VTCN1: variants seen among roughly 807,000 people sequenced by gnomAD.
VTCN1 encodes the protein V-set domain-containing T-cell activation inhibitor 1.
Under a neutral mutation model 26.5 loss-of-function variants are expected in VTCN1, and 26 were observed. That is an observed-to-expected ratio of 0.98 (90% CI 0.72 to 1.36). The LOEUF (loss-of-function observed/expected upper bound fraction) is 1.36. Among genes scored for constraint, VTCN1 ranks in the 40% most tolerant of loss-of-function variants. VTCN1 has a pLI of 0.00. For synonymous variants in VTCN1, 116 were observed against 130.7 expected (o/e 0.89, Z 0.77); for missense variants, 298 against 337.7 (o/e 0.88, Z 0.92).
At position 117,153,379 on chromosome 1, in the gene VTCN1, C is replaced by A. The variant is rs1191742150; in HGVS notation, c.446-10G>T. On this transcript the variant is annotated splice_polypyrimidine_tract_variant and intron_variant, in intron 3 of 5. Transcript: ENST00000369458. ...TCCGGCATGCTGAAGGCTGCAGGGTCAAAAGTCAGAAAGGGCAGATGCCAA... is the reference window on the plus strand; with the variant it reads ...TCCGGCATGCTGAAGGCTGCAGGGTAAAAAGTCAGAAAGGGCAGATGCCAA... 6.3e-7 allele frequency: 1 copy of A among 1,592,258 alleles called. No homozygotes were observed. The highest frequency in any genetic ancestry group is 1.1e-5 in the South Asian group (1 of 89,294).
chr1:117,148,381 T>C (rs991279186), intron 4 of VTCN1, among the ~76,000 whole-genome samples: 1 of 152,208 alleles, frequency 6.6e-6, no homozygotes, highest in Non-Finnish European at 1.5e-5. Context: ...AGAATACTAA[T>C]AACCTACTTC....
At chr1:117,180,959 G>A (rs1441836783) in intron 1 of VTCN1, among the ~76,000 whole-genome samples, 1 of 152,184 alleles carries the variant, frequency 6.6e-6, no homozygotes, top group Admixed American at 6.5e-5. Flanking sequence ...CCTAATGGGG[G>A]CTCCACAGGA....
At chr1:117,152,553 A>G (rs1347006543) in intron 4 of VTCN1, among the ~76,000 whole-genome samples, 1 of 152,160 alleles carries the variant, frequency 6.6e-6, no homozygotes, top group Non-Finnish European at 1.5e-5. Context: ...GACCAGTTCC[A>G]TCTAGGGGTT....
chr1:117,169,466 G>T lies in VTCN1; in HGVS notation c.97+641C>A, dbSNP rs1482516440. The stretch of plus-strand genomic sequence containing the variant: ...ACCCAGGCCAACCGCTGACAGAATG[G>T]CTCAGAGGCAGCACTTCACCTATGA... On this transcript the variant is annotated intron_variant, in intron 2 of 5. Transcript: ENST00000369458. This position sits in a 1 kb window ranked among gnomAD's most constrained non-coding sequence, Gnocchi z 4.0. Among the ~76,000 whole-genome samples, 2 of 152,188 alleles carry T rather than the reference G, an allele frequency of 1.3e-5. No individual in the cohort carries two copies.
chr1:117,148,029 G>C (rs1158247909), intron 4 of VTCN1, among the ~76,000 whole-genome samples: 2 of 152,162 alleles, frequency 1.3e-5, no homozygotes, highest in East Asian at 3.9e-4. Context: ...ATACCAATAA[G>C]AGATTGTTAT....
At chr1:117,193,414 C>T (rs1012265894) in intron 1 of VTCN1, among the ~76,000 whole-genome samples, 4 of 152,092 alleles carry the variant, frequency 2.6e-5, no homozygotes, top group Non-Finnish European at 5.9e-5. Context: ...AGATATTCCA[C>T]GCAAATGGTA....
intron 2 of VTCN1, among the ~76,000 whole-genome samples, chr1:117,158,932 T>C (rs1296970822): frequency 2.0e-5 from 3 of 152,188 alleles, no homozygotes. Context: ...TGTTAAAACA[T>C]AACAAGAGTC....
intron 2 of VTCN1, among the ~76,000 whole-genome samples, chr1:117,158,421 T>C (rs998092461): frequency 6.6e-6 from 1 of 152,214 alleles, no homozygotes; most frequent in Non-Finnish European, 1.5e-5. Context: ...CTGCCGAGAC[T>C]TGGGGTTTGC....
chr1:117,152,124 T>C (rs1168945062), intron 4 of VTCN1, among the ~76,000 whole-genome samples: 2 of 152,214 alleles, frequency 1.3e-5, no homozygotes, highest in African/African-American at 4.8e-5. Context: ...CTTAAAATGA[T>C]TTACAAATAT....
intron 1 of VTCN1, among the ~76,000 whole-genome samples, chr1:117,206,593 A>T (rs1165371052): frequency 1.3e-5 from 2 of 152,178 alleles, no homozygotes; most frequent in Non-Finnish European, 2.9e-5. Context: ...TCCCTACAAC[A>T]AGGTGCATGA....
At chr1:117,153,068 T>C in intron 4 of VTCN1, 23 bp downstream of exon 4, 2 of 1,595,294 alleles carry the variant, frequency 1.3e-6, no homozygotes, top group South Asian at 1.1e-5. Context: ...AGTAAATCCA[T>C]ACAAAAGCAT....
At chr1:117,185,397 A>G (rs1647884584) in intron 1 of VTCN1, among the ~76,000 whole-genome samples, 1 of 152,224 alleles carries the variant, frequency 6.6e-6, no homozygotes, top group Admixed American at 6.5e-5. Flanking sequence ...CATCAGAATC[A>G]AAATATACCT....
rs932353484 is a variant in VTCN1, at chr1:117,153,460, CA to C, written c.446-92del. 74 of 981,510 alleles carry C rather than the reference CA, an allele frequency of 7.5e-5. No homozygotes were observed. In the Middle Eastern group the frequency reaches 1.2e-3, roughly 16 times the overall value. 60.8% of individuals were successfully genotyped at this position (981,510 alleles called of 1,614,324 possible). ...AAGCGCTAGGCCTTAAAAATGCAGT[CA>C]TTTTTTTTTTTTTTTTTTTATCATT... is the stretch of plus-strand genomic sequence containing the variant. On this transcript the variant is annotated intron_variant, in intron 3 of 5. Transcript: ENST00000369458.
At chr1:117,171,284 T>C (rs576605495) in intron 1 of VTCN1, among the ~76,000 whole-genome samples, 3 of 152,242 alleles carry the variant, frequency 2.0e-5, no homozygotes, top group Non-Finnish European at 4.4e-5. Context: ...TCCAAGTCTT[T>C]GGTATTGTAA....
chr1:117,175,403 C>T lies in VTCN1; in HGVS notation c.33-5232G>A, dbSNP rs1298325808. Among the ~76,000 whole-genome samples, 2 of 152,176 alleles carry T rather than the reference C, an allele frequency of 1.3e-5. No individual in the cohort carries two copies. Among genetic ancestry groups the T allele is most frequent in the Non-Finnish European group, 2.9e-5 (2 of 68,034 alleles). On this transcript the variant is annotated intron_variant, in intron 1 of 5. Coordinates refer to ENST00000369458, the MANE Select transcript of VTCN1 (RefSeq NM_024626.4). The surrounding 1 kb of genome is among the most constrained non-coding windows in gnomAD (Gnocchi z 4.2). ...GCTGGGTGCTGTGAGCCGGCGTGGT[C>T]GCTGTGAAGCGGATGTGCAGCCTAG...
chr1:117,188,747 T>C (rs535162446), intron 1 of VTCN1, among the ~76,000 whole-genome samples: 6 of 152,214 alleles, frequency 3.9e-5, no homozygotes, highest in African/African-American at 1.4e-4. Context: ...GCCCATTTTT[T>C]CCCCCAAGAT....
In VTCN1 at chr1:117,183,232, T is replaced by C. The variant is rs1647761649; in HGVS notation, c.33-13061A>G. Among the ~76,000 whole-genome samples the C allele has an allele frequency of 6.6e-6, 1 of 152,328 alleles. No individual in the cohort carries two copies. Among genetic ancestry groups the C allele is most frequent in the African/African-American group, 2.4e-5 (1 of 41,572 alleles). ...CCAGGCTGCTTCTTGCCTCCATGCC[T>C]TCGTTCCTATTATTTTTCAAGTTCT... On this transcript the variant is annotated intron_variant, in intron 1 of 5. Transcript: ENST00000369458. This position sits in a 1 kb window ranked among gnomAD's most constrained non-coding sequence, Gnocchi z 4.1.
intron 1 of VTCN1, among the ~76,000 whole-genome samples, chr1:117,194,001 TA>T (rs1349192484): frequency 3.3e-5 from 5 of 151,928 alleles, no homozygotes; most frequent in Non-Finnish European, 7.4e-5. Flanking sequence ...CACAAGCAAA[TA>T]GCAAAAATAA....
intron 1 of VTCN1, among the ~76,000 whole-genome samples, chr1:117,208,606 G>T (rs115924010): frequency 1.3e-4 from 20 of 152,284 alleles, no homozygotes; most frequent in African/African-American, 4.3e-4. Context: ...CAGAGCAAGG[G>T]TTTTCTACCC....
Sources: gnomAD v4.1 joint callset for allele counts (sites outside exome capture counted in the v4.1 genomes callset) on GRCh38, gnomAD v4.1.1 for gene constraint, Gnocchi (gnomAD v3.1) non-coding constraint, MANE v1.5 for transcripts, NCBI Gene and HGNC (gene_info 2026-07-23, HGNC 2026-07-21) for gene names.